The following KLHL6 variants were observed in gnomAD, a reference collection of about 807,000 sequenced individuals.
The protein encoded by KLHL6 is kelch-like protein 6.
A neutral mutation model predicts 58.6 loss-of-function variants in KLHL6; 41 were observed. That is an observed-to-expected ratio of 0.70 (90% confidence interval 0.55 to 0.91). The LOEUF (loss-of-function observed/expected upper bound fraction) is 0.91, where lower values mean the gene tolerates loss of function less well. KLHL6 is among the 40% of genes least tolerant of loss of function. KLHL6 has a pLI of 0.00. For synonymous variants in KLHL6, 338 were observed against 322.7 expected, an observed-to-expected ratio of 1.05 and a Z score of -0.51; for missense variants, 714 against 805.6, an observed-to-expected ratio of 0.89 and a Z score of 1.38.
intron 1 of KLHL6, among the ~76,000 whole-genome samples, chr3:183,543,773 A>T (rs1005178183): frequency 6.6e-6 from 1 of 152,126 alleles, no homozygotes; most frequent in Non-Finnish European, 1.5e-5. Context: ...TTATATGCAA[A>T]CCTGCTGAGT....
intron 3 of KLHL6, among the ~76,000 whole-genome samples, chr3:183,503,608 C>T (rs1577179821): frequency 6.6e-6 from 1 of 152,020 alleles, no homozygotes; most frequent in Admixed American, 6.6e-5. Flanking sequence ...GGAGGAACCC[C>T]GTCTCTATTA....
At chr3:183,531,252 G>A (rs1367902432) in intron 1 of KLHL6, among the ~76,000 whole-genome samples, 1 of 151,982 alleles carries the variant, frequency 6.6e-6, no homozygotes, top group East Asian at 1.9e-4. Context: ...AGTCGGGGGA[G>A]GGGTTGTTGG....
At chr3:183,544,066 G>A (rs1322511437) in intron 1 of KLHL6, among the ~76,000 whole-genome samples, 3 of 151,216 alleles carry the variant, frequency 2.0e-5, no homozygotes, top group Non-Finnish European at 4.4e-5. Context: ...GGGCGGCTGA[G>A]GCAGAAGAAT....
intron 1 of KLHL6, among the ~76,000 whole-genome samples, chr3:183,551,822 T>G (rs1423710798): frequency 9.2e-5 from 14 of 152,182 alleles, no homozygotes. Flanking sequence ...GTTTTTTCAT[T>G]ATAAGCCTTT....
chr3:183,499,885 C>T lies in KLHL6; in HGVS notation c.910-58G>A. The stretch of plus-strand genomic sequence containing the variant: ...ACAACACAAAGTTTCAGAGCTCGGG[C>T]TATGGAGCCATTAGGAGTCGGGTCC... On this transcript the variant is annotated intron_variant, in intron 3 of 6. Transcript: ENST00000341319. This position sits in a 1 kb window ranked among gnomAD's most constrained non-coding sequence, Gnocchi z 4.6. 2.2e-6 allele frequency: 3 copies of T among 1,366,226 alleles called. No individual in the cohort carries two copies. In the South Asian group the frequency reaches 4.3e-5, roughly 20 times the overall value. 84.6% of individuals were successfully genotyped at this position (1,366,226 alleles called of 1,614,324 possible).
chr3:183,553,744 CA>C (rs1023377433), intron 1 of KLHL6, among the ~76,000 whole-genome samples: 3 of 152,166 alleles, frequency 2.0e-5, no homozygotes, highest in African/African-American at 7.2e-5. Context: ...CAGCAATGAC[CA>C]GATATATAAT....
At chr3:183,516,312 T>C (rs1000415485) in intron 2 of KLHL6, among the ~76,000 whole-genome samples, 12 of 152,256 alleles carry the variant, frequency 7.9e-5, no homozygotes, top group African/African-American at 2.9e-4. Flanking sequence ...TTCTTTTAAA[T>C]ATGCTTTTGC....
At chr3:183,528,831 A>G (rs773552411) in intron 1 of KLHL6, among the ~76,000 whole-genome samples, 2 of 152,222 alleles carry the variant, frequency 1.3e-5, no homozygotes, top group African/African-American at 2.4e-5. Flanking sequence ...AAATCATTCT[A>G]CCATACACAT....
chr3:183,555,213 T>C (rs1713065908), intron 1 of KLHL6, 148 bp downstream of exon 1: 2 of 529,402 alleles, frequency 3.8e-6, no homozygotes, highest in Admixed American at 3.7e-5. Context: ...GATAGTGTCC[T>C]TTCTTATATT....
chr3:183,525,265 A>ACACACAC (rs1553811014), intron 2 of KLHL6, among the ~76,000 whole-genome samples: 22 of 52,666 alleles, frequency 4.2e-4, no homozygotes, highest in East Asian at 1.7e-3. Context: ...CTCTCTAAAA[A>ACACACAC]AAAAACACAC....
chr3:183,498,812 T>C (rs1717784135), intron 4 of KLHL6, among the ~76,000 whole-genome samples: 1 of 152,158 alleles, frequency 6.6e-6, no homozygotes, highest in Admixed American at 6.5e-5. Flanking sequence ...TAACGATCAA[T>C]ACTGAAGCAA....
At chr3:183,510,142 T>C (rs1312636413) in intron 2 of KLHL6, among the ~76,000 whole-genome samples, 2 of 152,126 alleles carry the variant, frequency 1.3e-5, no homozygotes, top group African/African-American at 2.4e-5. Flanking sequence ...AATGCATTGG[T>C]TCATTCTTAT....
At chr3:183,535,297 G>T (rs181604084) in intron 1 of KLHL6, among the ~76,000 whole-genome samples, 243 of 152,272 alleles carry the variant, frequency 1.6e-3, no homozygotes, top group Non-Finnish European at 9.1e-4. Context: ...CAATTCAAAT[G>T]CCCAACAGCC....
intron 1 of KLHL6, among the ~76,000 whole-genome samples, chr3:183,546,571 G>T (rs1374819848): frequency 6.6e-6 from 1 of 152,176 alleles, no homozygotes; most frequent in Non-Finnish European, 1.5e-5. Flanking sequence ...GCACCTGTTT[G>T]TCTTCTGGGT....
rs186127685 is a variant in KLHL6, at chr3:183,518,853, G to A, written c.459+8992C>T. Among the ~76,000 whole-genome samples the A allele has an allele frequency of 3.9e-5, 6 of 152,244 alleles. No homozygotes were observed. In the East Asian group the frequency reaches 1.2e-3, roughly 29 times the overall value. On this transcript the variant is annotated intron_variant, in intron 2 of 6. Transcript: ENST00000341319. ...AGAGTCAGCTTTTCCCACCCTGGAG[G>A]CAATAAAGATTCCCAGGCAAGGAAG... is the stretch of plus-strand genomic sequence containing the variant.
At position 183,492,938 on chromosome 3, in the gene KLHL6, T is replaced by G. The variant is rs1294602288; in HGVS notation, c.1351-231A>C. 1.5e-5 allele frequency: 8 copies of G among 522,862 alleles called. No homozygotes were observed. The highest frequency in any genetic ancestry group is 2.4e-5 in the Non-Finnish European group (7 of 288,046). The allele number at this position is 522,862 out of a possible 1,614,324, so 32.4% of individuals were successfully genotyped here. A position where few individuals can be genotyped will look rare whatever the true frequency, so the allele number is the denominator to read the frequency against. ...CTAGAGCAAGCTGTGTGTTGGGATG[T>G]GCCAGCCTCTCCCGGAATCCAGCTC... On this transcript the variant is annotated intron_variant, in intron 5 of 6. Coordinates refer to ENST00000341319, the MANE Select transcript of KLHL6 (RefSeq NM_130446.4). The surrounding 1 kb of genome is among the most constrained non-coding windows in gnomAD (Gnocchi z 5.9).
At chr3:183,538,017 C>T (rs1712421624) in intron 1 of KLHL6, among the ~76,000 whole-genome samples, 1 of 152,086 alleles carries the variant, frequency 6.6e-6, no homozygotes, top group Admixed American at 6.6e-5. Context: ...ACCAACTTGT[C>T]CTTCCTAGTC....
intron 2 of KLHL6, chr3:183,521,148 C>T (rs1409606684): frequency 6.6e-6 from 1 of 152,620 alleles, no homozygotes; most frequent in Admixed American, 6.5e-5. Flanking sequence ...AACAAAGCAC[C>T]TCCTGCACAG....
At position 183,494,202 on chromosome 3, in the gene KLHL6, T is replaced by A; in HGVS notation, c.1227A>T (p.Ile409=). The A allele has an allele frequency of 6.2e-7, 1 of 1,614,062 alleles. No homozygotes were observed. Among genetic ancestry groups the A allele is most frequent in the Non-Finnish European group, 8.5e-7 (1 of 1,179,890 alleles). Residue 409 remains isoleucine (I), a synonymous_variant, in exon 5 of 7, where the codon ATA becomes ATT. Coordinates refer to ENST00000341319, the MANE Select transcript of KLHL6 (RefSeq NM_130446.4). The part of the protein sequence containing the change: ...NKWIQIEYLN[I]GRWRHKMVVL... ...CCACCATCTTATGCCTCCAGCGGCC[T>A]ATGTTTAAATACTCAATCTGAATCC... is the stretch of plus-strand genomic sequence containing the variant.
Sources: allele counts gnomAD v4.1 joint callset (sites outside exome capture counted in the v4.1 genomes callset), GRCh38; gene constraint gnomAD v4.1.1; non-coding constraint Gnocchi (gnomAD v3.1); transcripts MANE v1.5; gene names NCBI Gene and HGNC (gene_info 2026-07-23, HGNC 2026-07-21).